Variants in FMO5 observed in about 807,000 individuals in gnomAD.
The protein encoded by FMO5 is flavin containing dimethylaniline monoxygenase 5, also known as flavin-containing monooxygenase 5.
A neutral mutation model predicts 43.6 loss-of-function variants in FMO5; 51 were observed. That is an observed-to-expected ratio of 1.17 (90% confidence interval 0.93 to 1.48). The LOEUF (loss-of-function observed/expected upper bound fraction) is 1.48, where lower values mean the gene tolerates loss of function less well. FMO5 is among the 40% of genes most tolerant of loss of function. The pLI is 0.00. For missense variants in FMO5, 644 were observed against 643.0 expected (o/e 1.00, Z -0.02); for synonymous variants, 187 against 216.5 (o/e 0.86, Z 1.20).
In FMO5 at chr1:147,186,744, T is replaced by A; in HGVS notation, c.*156A>T. The A allele has an allele frequency of 7.0e-7, 1 of 1,435,520 alleles. No individual in the cohort carries two copies. Among genetic ancestry groups the A allele is most frequent in the Non-Finnish European group, 9.1e-7 (1 of 1,100,718 alleles). 88.9% of individuals were successfully genotyped at this position (1,435,520 alleles called of 1,614,324 possible). A position where few individuals can be genotyped will look rare whatever the true frequency, so the allele number is the denominator to read the frequency against. On this transcript the variant is annotated 3_prime_UTR_variant, in exon 9 of 9. Coordinates refer to ENST00000254090, the MANE Select transcript of FMO5 (RefSeq NM_001461.4). ...GAGTTAATACAAATGGAAAACAGGT[T>A]TCATTGTAGGAAAAAGGAAAGTGAA...
chr1:147,196,602 T>C (rs1296381987), intron 7 of FMO5, among the ~76,000 whole-genome samples: 1 of 151,954 alleles, frequency 6.6e-6, no homozygotes, highest in African/African-American at 2.4e-5. Flanking sequence ...TTAAAAAAAT[T>C]AAAAAATTTT....
At chr1:147,188,988 G>A (rs951021133) in intron 8 of FMO5, among the ~76,000 whole-genome samples, 8 of 152,082 alleles carry the variant, frequency 5.3e-5, no homozygotes, top group Non-Finnish European at 8.8e-5. Context: ...TAAGAGAGCA[G>A]TTTCCGGCCA....
chr1:147,213,254 G>A (rs2101967693), intron 4 of FMO5, 54 bp downstream of exon 4: 1 of 1,423,114 alleles, frequency 7.0e-7, no homozygotes, highest in East Asian at 2.5e-5. Context: ...CCATTCCTCA[G>A]GGGTCAGGTC....
chr1:147,190,068 G>A, intron 8 of FMO5, 109 bp downstream of exon 8: 2 of 675,960 alleles, frequency 3.0e-6, no homozygotes, highest in South Asian at 2.4e-5. Flanking sequence ...CTTCATAATA[G>A]AATCTAAATC....
chr1:147,205,902 C>T (rs1165707386), intron 6 of FMO5, among the ~76,000 whole-genome samples: 2 of 152,070 alleles, frequency 1.3e-5, no homozygotes, highest in African/African-American at 2.4e-5. Flanking sequence ...CAACAAAAGC[C>T]AAAATTGACA....
chr1:147,209,149 G>C (rs1660630024), intron 5 of FMO5, 98 bp from the exon 6 acceptor site: 2 of 999,708 alleles, frequency 2.0e-6, no homozygotes, highest in Non-Finnish European at 2.9e-6. Context: ...GCCCGGCGCG[G>C]TGGCTCACGC....
intron 5 of FMO5, among the ~76,000 whole-genome samples, chr1:147,212,114 A>G (rs1197447494): frequency 6.6e-6 from 1 of 152,230 alleles, no homozygotes; most frequent in African/African-American, 2.4e-5. Context: ...ACACTCTGAG[A>G]AGATGCCTGA....
intron 6 of FMO5, chr1:147,203,435 C>T (rs1659404216): frequency 1.2e-6 from 1 of 842,110 alleles, no homozygotes; most frequent in African/African-American, 1.7e-5. Context: ...TCTAGAACAC[C>T]AGCTTCCAAC....
At chr1:147,204,919 A>G (rs1255498194) in intron 6 of FMO5, 19 of 1,567,900 alleles carry the variant, frequency 1.2e-5, no homozygotes, top group Non-Finnish European at 1.7e-5. Flanking sequence ...AGCCTTGGGA[A>G]CTTGAAGCGC....
At chr1:147,197,150 T>A (rs957482410) in intron 7 of FMO5, among the ~76,000 whole-genome samples, 4 of 152,224 alleles carry the variant, frequency 2.6e-5, no homozygotes, top group African/African-American at 9.7e-5. Flanking sequence ...ACCAGCATTC[T>A]GAACTACTTG....
intron 2 of FMO5, among the ~76,000 whole-genome samples, chr1:147,222,533 A>C (rs1553926514): frequency 6.6e-6 from 1 of 152,136 alleles, no homozygotes; most frequent in African/African-American, 2.4e-5. Context: ...ATGGAATAGA[A>C]ACTCTCTTTG....
intron 6 of FMO5, among the ~76,000 whole-genome samples, chr1:147,202,186 G>A (rs1388965764): frequency 6.6e-6 from 1 of 151,778 alleles, no homozygotes; most frequent in African/African-American, 2.4e-5. Flanking sequence ...GTTTCCTAGG[G>A]ACAGCGTAGG....
intron 6 of FMO5, chr1:147,204,625 ATGTT>A (rs1659640743): frequency 3.1e-6 from 5 of 1,590,884 alleles, no homozygotes; most frequent in Non-Finnish European, 3.4e-6. Context: ...TACCAGAACA[ATGTT>A]TGTGCCATCT....
intron 6 of FMO5, chr1:147,203,767 T>C: frequency 1.3e-6 from 2 of 1,535,618 alleles, no homozygotes; most frequent in Admixed American, 3.3e-5. Context: ...CTACTGCCCT[T>C]TCTATGTCAT....
rs782550633 is a variant in FMO5, at chr1:147,187,277, TCA to T, written c.1257-34_1257-33del. On this transcript the variant is annotated intron_variant, in intron 8 of 8. Coordinates refer to ENST00000254090, the MANE Select transcript of FMO5 (RefSeq NM_001461.4). Reference sequence around the variant, plus strand: ...TAGAAAAGACAGAAACCATGGCCTGTCAATAATTCAATCAGTCAGTCAATCAA... The same window carrying T: ...TAGAAAAGACAGAAACCATGGCCTGTATAATTCAATCAGTCAGTCAATCAA... 10 of 1,483,842 alleles carry T rather than the reference TCA, an allele frequency of 6.7e-6. 1 individual carries two copies. In the South Asian group the frequency reaches 1.3e-4, roughly 19 times the overall value. 91.9% of individuals were successfully genotyped at this position (1,483,842 alleles called of 1,614,324 possible).
At chr1:147,209,578 C>T (rs1333933903) in intron 5 of FMO5, 1 of 153,740 alleles carries the variant, frequency 6.5e-6, no homozygotes, top group Non-Finnish European at 1.4e-5. Flanking sequence ...ATCTACTGTC[C>T]AAGAATATGT....
At chr1:147,214,449 T>C (rs2101982420) in intron 3 of FMO5, among the ~76,000 whole-genome samples, 1 of 80,766 alleles carries the variant, frequency 1.2e-5, no homozygotes, top group Middle Eastern at 5.2e-3. Flanking sequence ...AGACTCTGTC[T>C]GAAAAAAAAC....
chr1:147,188,549 TATAGTATTC>T (rs1656053783), intron 8 of FMO5, among the ~76,000 whole-genome samples: 2 of 138,512 alleles, frequency 1.4e-5, no homozygotes, highest in Non-Finnish European at 3.1e-5. Context: ...AAAAAAGAGC[TATAGTATTC>T]ATGAAGGTTT....
intron 2 of FMO5, chr1:147,223,705 C>A: frequency 5.1e-6 from 1 of 197,494 alleles, no homozygotes; most frequent in South Asian, 8.7e-5. Context: ...AAAGAGACCT[C>A]ACCCTCTTTG....
Sources: allele counts gnomAD v4.1 joint callset (sites outside exome capture counted in the v4.1 genomes callset), GRCh38; gene constraint gnomAD v4.1.1; transcripts MANE v1.5; gene names NCBI Gene and HGNC (gene_info 2026-07-23, HGNC 2026-07-21).